Variants in PCDHAC1 observed in about 807,000 individuals in gnomAD.
The protein encoded by PCDHAC1 is protocadherin alpha-C1.
In PCDHAC1, 42 loss-of-function variants were observed where a neutral mutation model predicts 60.0. The ratio of observed to expected loss-of-function variants is 0.70; its 90% CI spans 0.55 to 0.90. PCDHAC1 has a LOEUF of 0.90. PCDHAC1 is among the 40% of genes least tolerant of loss of function. PCDHAC1 has a pLI of 0.00. For synonymous variants in PCDHAC1, 468 were observed against 499.3 expected (o/e 0.94, Z 0.84); for missense variants, 1,160 against 1,222.3 (o/e 0.95, Z 0.76).
At chr5:141,009,327 C>A (rs1445732436) in intron 3 of PCDHAC1, among the ~76,000 whole-genome samples, 3 of 152,142 alleles carry the variant, frequency 2.0e-5, no homozygotes, top group Non-Finnish European at 2.9e-5. Context: ...GGCATGGGAG[C>A]TTGTGCCTGT....
chr5:141,007,395 CAAAAAA>C (rs35800918), intron 3 of PCDHAC1, among the ~76,000 whole-genome samples: 3 of 94,844 alleles, frequency 3.2e-5, no homozygotes, highest in East Asian at 2.9e-4. Flanking sequence ...TACTAAAATA[CAAAAAA>C]AAAAAAAAAA....
In PCDHAC1 at chr5:141,011,945, A is replaced by G. The variant is rs1588262929; in HGVS notation, c.*2008A>G. On this transcript the variant is annotated 3_prime_UTR_variant, in exon 4 of 4. Transcript: ENST00000253807. ...AGGTAGGAGTCTGTTATTTAAAAAAAGCATTAAATTTAAAAAAAAACTGTC... is the reference window on the plus strand; with the variant it reads ...AGGTAGGAGTCTGTTATTTAAAAAAGGCATTAAATTTAAAAAAAAACTGTC... 6.5e-6 allele frequency: 1 copy of G among 153,752 alleles called. No individual in the cohort carries two copies. The highest frequency in any genetic ancestry group is 1.5e-5 in the Non-Finnish European group (1 of 68,044). The allele number at this position is 153,752 out of a possible 1,614,324, so 9.5% of individuals were successfully genotyped here. A position where few individuals can be genotyped will look rare whatever the true frequency, so the allele number is the denominator to read the frequency against.
At chr5:140,958,597 G>A (rs551005076) in intron 1 of PCDHAC1, among the ~76,000 whole-genome samples, 60 of 152,170 alleles carry the variant, frequency 3.9e-4, no homozygotes, top group African/African-American at 1.4e-3. Context: ...ATGATAATTG[G>A]ATCAAAGGAA....
chr5:140,982,917 C>T (rs2097016226), intron 3 of PCDHAC1, among the ~76,000 whole-genome samples: 1 of 151,626 alleles, frequency 6.6e-6, no homozygotes, highest in Non-Finnish European at 1.5e-5. Context: ...ACAGAGATGA[C>T]ACTGTTAACA....
chr5:140,928,209 T>C lies in PCDHAC1; in HGVS notation c.1317T>C (p.Asn439=). 1 of 1,614,222 alleles carries C rather than the reference T, an allele frequency of 6.2e-7. No homozygotes were observed. The highest frequency in any genetic ancestry group is 1.1e-5 in the South Asian group (1 of 91,082). Residue 439 remains asparagine (N), a synonymous_variant, in exon 1 of 4, where the codon AAT becomes AAC. Transcript: ENST00000253807. Reference sequence around the variant, plus strand: ...TCACTGTGTCAGTTGCTGATGTGAATGACAATACACCAAACTTTCCTCAAC... The same window carrying C: ...TCACTGTGTCAGTTGCTGATGTGAACGACAATACACCAAACTTTCCTCAAC... ...RTITVSVADV[N]DNTPNFPQPQ... is the part of the protein sequence containing the mutation.
chr5:141,006,726 A>G (rs2098284944), intron 3 of PCDHAC1, among the ~76,000 whole-genome samples: 1 of 152,172 alleles, frequency 6.6e-6, no homozygotes, highest in African/African-American at 2.4e-5. Flanking sequence ...CAGAAATGAC[A>G]GGTCTTGATG....
chr5:140,945,275 A>G (rs1205952276), intron 1 of PCDHAC1, among the ~76,000 whole-genome samples: 2 of 152,186 alleles, frequency 1.3e-5, no homozygotes, highest in Non-Finnish European at 2.9e-5. Context: ...TGAAAACTTT[A>G]AAACATTGAT....
intron 2 of PCDHAC1, 141 bp downstream of exon 2, chr5:140,979,148 C>G: frequency 6.9e-7 from 1 of 1,441,158 alleles, no homozygotes; most frequent in South Asian, 1.5e-5. Context: ...TTATTTTGTC[C>G]CCATGTTTAT....
intron 1 of PCDHAC1, among the ~76,000 whole-genome samples, chr5:140,975,572 C>T (rs1356117545): frequency 6.6e-6 from 1 of 152,202 alleles, no homozygotes; most frequent in African/African-American, 2.4e-5. Context: ...ATATTATATG[C>T]AGTCTCATGT....
chr5:140,943,090 C>G (rs554425182), intron 1 of PCDHAC1, among the ~76,000 whole-genome samples: 3 of 151,542 alleles, frequency 2.0e-5, no homozygotes, highest in African/African-American at 7.3e-5. Context: ...AATCCTGCCT[C>G]TACTAAAAAA....
chr5:141,001,102 A>T (rs1197761807), intron 3 of PCDHAC1, among the ~76,000 whole-genome samples: 1 of 152,076 alleles, frequency 6.6e-6, no homozygotes, highest in African/African-American at 2.4e-5. Context: ...TCTAATCCAT[A>T]ATAAGCAATC....
At chr5:140,976,250 A>C (rs1420287471) in intron 1 of PCDHAC1, among the ~76,000 whole-genome samples, 1 of 152,144 alleles carries the variant, frequency 6.6e-6, no homozygotes, top group Non-Finnish European at 1.5e-5. Flanking sequence ...ATGTAAATTT[A>C]TTTAAAACAC....
chr5:140,979,414 T>C (rs1410205907), intron 2 of PCDHAC1, among the ~76,000 whole-genome samples: 1 of 152,242 alleles, frequency 6.6e-6, no homozygotes, highest in African/African-American at 2.4e-5. Flanking sequence ...CCTTGTTTTT[T>C]TTTTAATCTC....
At chr5:140,997,510 C>T (rs536611731) in intron 3 of PCDHAC1, among the ~76,000 whole-genome samples, 60 of 152,102 alleles carry the variant, frequency 3.9e-4, no homozygotes, top group Non-Finnish European at 6.9e-4. Context: ...CATACCTAAA[C>T]GCAGAAAAAG....
intron 1 of PCDHAC1, among the ~76,000 whole-genome samples, chr5:140,973,515 T>G (rs1008643152): frequency 1.4e-4 from 21 of 152,232 alleles, no homozygotes; most frequent in African/African-American, 4.8e-4. Flanking sequence ...AAAAGTTTAT[T>G]TTCTTTGGTC....
chr5:140,926,707 C>A lies in PCDHAC1; in HGVS notation c.-186C>A. On this transcript the variant is annotated 5_prime_UTR_variant, in exon 1 of 4. Coordinates refer to ENST00000253807, the MANE Select transcript of PCDHAC1 (RefSeq NM_018898.5). ...CCTAGCAAGCCCGGCTCCCAGCTGG[C>A]CAGCCCCGGCAATGCCGGCGTTCGG... is the stretch of plus-strand genomic sequence containing the variant. 5.6e-6 allele frequency: 5 copies of A among 886,092 alleles called. No individual in the cohort carries two copies. Among genetic ancestry groups the A allele is most frequent in the Non-Finnish European group, 7.9e-6 (5 of 636,256 alleles). 54.9% of individuals were successfully genotyped at this position (886,092 alleles called of 1,614,324 possible). A position where few individuals can be genotyped will look rare whatever the true frequency, so the allele number is the denominator to read the frequency against.
chr5:140,963,386 A>G (rs189164274), intron 1 of PCDHAC1, among the ~76,000 whole-genome samples: 2 of 152,344 alleles, frequency 1.3e-5, no homozygotes, highest in Admixed American at 1.3e-4. Flanking sequence ...CTCTGTGCCA[A>G]GCTCCCTACT....
intron 1 of PCDHAC1, among the ~76,000 whole-genome samples, chr5:140,961,393 G>C (rs1224822152): frequency 6.6e-6 from 1 of 152,104 alleles, no homozygotes; most frequent in African/African-American, 2.4e-5. Context: ...TATTCCATTA[G>C]TAAACACTTT....
chr5:140,969,642 A>G (rs2096350693), intron 1 of PCDHAC1: 1 of 206,874 alleles, frequency 4.8e-6, no homozygotes, highest in African/African-American at 2.4e-5. Context: ...GCCTTGGAAT[A>G]GGGATTATGT....
Sources: gnomAD v4.1 joint callset for allele counts (sites outside exome capture counted in the v4.1 genomes callset) on GRCh38, gnomAD v4.1.1 for gene constraint, MANE v1.5 for transcripts, NCBI Gene and HGNC (gene_info 2026-07-23, HGNC 2026-07-21) for gene names.